NCAM2: variants seen among roughly 807,000 people sequenced by gnomAD.
The protein encoded by NCAM2 is N-CAM-2.
Under a neutral mutation model 98.1 loss-of-function variants are expected in NCAM2, and 30 were observed. The observed-to-expected ratio is 0.31, with a 90% confidence interval of 0.23 to 0.41. The LOEUF is 0.41. NCAM2 is among the 10% of genes least tolerant of loss of function. The probability of loss-of-function intolerance (pLI) is 1.00; values close to 1 mark genes in which losing one functional copy is unlikely to be tolerated. For missense variants in NCAM2, 867 were observed against 1,005.8 expected (o/e 0.86, Z 1.87); for synonymous variants, 368 against 342.4 (o/e 1.07, Z -0.83).
At chr21:21,046,405 A>G (rs1257523515) in intron 1 of NCAM2, among the ~76,000 whole-genome samples, 1 of 152,170 alleles carries the variant, frequency 6.6e-6, no homozygotes, top group Non-Finnish European at 1.5e-5. Context: ...CTCAATGACC[A>G]GTACTAAATT....
chr21:21,393,827 C>T (rs992746342), intron 9 of NCAM2, among the ~76,000 whole-genome samples: 1 of 151,922 alleles, frequency 6.6e-6, no homozygotes, highest in African/African-American at 2.4e-5. Context: ...CAATAGAAGA[C>T]AAATTAGCCA....
At chr21:21,482,121 G>T (rs1260222328) in intron 15 of NCAM2, among the ~76,000 whole-genome samples, 1 of 151,836 alleles carries the variant, frequency 6.6e-6, no homozygotes, top group East Asian at 1.9e-4. Flanking sequence ...TTATAAAATC[G>T]TGTCTAATTT....
At chr21:21,005,801 C>T (rs1319070366) in intron 1 of NCAM2, among the ~76,000 whole-genome samples, 2 of 149,744 alleles carry the variant, frequency 1.3e-5, no homozygotes, top group African/African-American at 2.4e-5. Context: ...TCCAGGAGAA[C>T]GCCCCCCCCA....
At chr21:21,100,138 C>T (rs539948516) in intron 1 of NCAM2, among the ~76,000 whole-genome samples, 3 of 151,884 alleles carry the variant, frequency 2.0e-5, no homozygotes, top group South Asian at 2.1e-4. Context: ...TTTCAAAATT[C>T]GTGGCAGAAA....
intron 1 of NCAM2, among the ~76,000 whole-genome samples, chr21:21,185,458 A>G (rs1052774103): frequency 6.6e-6 from 1 of 152,148 alleles, no homozygotes; most frequent in Non-Finnish European, 1.5e-5. Context: ...TCTTCCTTCT[A>G]GAATTATTTC....
Position 21,526,084 on chromosome 21 carries a change from C to T in NCAM2, c.2283-8453C>T, listed in dbSNP as rs142319938. 3.7e-3 allele frequency among the ~76,000 whole-genome samples: 568 copies of T among 152,096 alleles called. 25 individuals carry two copies. In the East Asian group the frequency reaches 0.069, roughly 18 times the overall value. The stretch of plus-strand genomic sequence containing the variant: ...AACTAGAAGCTGTCCCCACTATATC[C>T]TCTCTCACTAATTCTTTTCAACAGT... On this transcript the variant is annotated intron_variant, in intron 16 of 17. Coordinates refer to ENST00000400546, the MANE Select transcript of NCAM2 (RefSeq NM_004540.5).
intron 9 of NCAM2, chr21:21,385,671 A>G (rs117657046): frequency 2.8e-5 from 36 of 1,285,734 alleles, no homozygotes; most frequent in Middle Eastern, 2.1e-4. Flanking sequence ...TTTACTAAGA[A>G]GCAGGAATTG....
chr21:21,315,389 A>G (rs146667800), intron 5 of NCAM2, among the ~76,000 whole-genome samples: 13 of 152,106 alleles, frequency 8.5e-5, no homozygotes, highest in Non-Finnish European at 1.8e-4. Context: ...CCTATTTCTT[A>G]GGTCACCACT....
intron 1 of NCAM2, among the ~76,000 whole-genome samples, chr21:21,045,839 A>C (rs549538369): frequency 6.6e-6 from 1 of 152,172 alleles, no homozygotes; most frequent in African/African-American, 2.4e-5. Flanking sequence ...TCTATCTTAG[A>C]TATCTTGGGA....
chr21:21,171,356 A>C (rs2146846514), intron 1 of NCAM2, among the ~76,000 whole-genome samples: 1 of 152,362 alleles, frequency 6.6e-6, no homozygotes, highest in South Asian at 2.1e-4. Context: ...ACTGATAGTA[A>C]GAGGATTTGC....
chr21:21,366,266 T>A (rs1281097540), intron 8 of NCAM2, among the ~76,000 whole-genome samples: 1 of 152,100 alleles, frequency 6.6e-6, no homozygotes, highest in Non-Finnish European at 1.5e-5. Context: ...GCATATCATA[T>A]GATATTGTAG....
intron 1 of NCAM2, among the ~76,000 whole-genome samples, chr21:21,218,600 G>C (rs1398206366): frequency 6.6e-6 from 1 of 152,168 alleles, no homozygotes; most frequent in Non-Finnish European, 1.5e-5. Context: ...AAAATAGTTT[G>C]AGTGAGATAT....
intron 1 of NCAM2, among the ~76,000 whole-genome samples, chr21:21,071,006 A>G (rs1255350757): frequency 6.6e-6 from 1 of 152,176 alleles, no homozygotes; most frequent in Admixed American, 6.5e-5. Flanking sequence ...AAGTTTTGAG[A>G]GTACGTTTCT....
intron 16 of NCAM2, among the ~76,000 whole-genome samples, chr21:21,533,195 T>C (rs1347177579): frequency 8.3e-6 from 1 of 120,286 alleles, no homozygotes; most frequent in Non-Finnish European, 1.7e-5. Flanking sequence ...TCCTAGTGTA[T>C]ATGCTTCCTA....
intron 5 of NCAM2, among the ~76,000 whole-genome samples, chr21:21,312,273 C>T: frequency 6.6e-6 from 1 of 151,394 alleles, no homozygotes; most frequent in East Asian, 1.9e-4. Context: ...ATGATTTTTT[C>T]TTTAAACTGT....
intron 5 of NCAM2, among the ~76,000 whole-genome samples, chr21:21,314,851 T>C (rs1273590235): frequency 1.3e-5 from 2 of 152,150 alleles, no homozygotes; most frequent in Admixed American, 6.6e-5. Context: ...AGACTTTCTA[T>C]ATTTCCATTT....
At position 21,448,379 on chromosome 21, in the gene NCAM2, C is replaced by T. The variant is rs992174903; in HGVS notation, c.1654+16098C>T. Among the ~76,000 whole-genome samples, 7 of 151,996 alleles carry T rather than the reference C, an allele frequency of 4.6e-5. No individual in the cohort carries two copies. The South Asian group carries it at 8.3e-4, about 18-fold the overall frequency. On this transcript the variant is annotated intron_variant, in intron 12 of 17. Coordinates refer to ENST00000400546, the MANE Select transcript of NCAM2 (RefSeq NM_004540.5). Reference sequence around the variant, plus strand: ...GACACAGGGAGGGGAAAGATACACACCAGGGCCTGTTGAGTGTGTGGGGGC... The same window carrying T: ...GACACAGGGAGGGGAAAGATACACATCAGGGCCTGTTGAGTGTGTGGGGGC...
chr21:21,145,094 T>C (rs533566709), intron 1 of NCAM2, among the ~76,000 whole-genome samples: 1 of 122,298 alleles, frequency 8.2e-6, no homozygotes, highest in Non-Finnish European at 1.8e-5. Flanking sequence ...GGTTGCTACA[T>C]CAAAGCATTT....
Position 21,098,327 on chromosome 21 carries a change from G to T in NCAM2, c.55+99709G>T, listed in dbSNP as rs552894071. The stretch of plus-strand genomic sequence containing the variant: ...ATAATGTCAAAATTTTAATGTCACT[G>T]TATCTCTCAACTGTAAAAGCCTATT... On this transcript the variant is annotated intron_variant, in intron 1 of 17. Transcript: ENST00000400546. Among the ~76,000 whole-genome samples the T allele has an allele frequency of 7.8e-4, 119 of 151,714 alleles. 1 individual carries two copies. The highest frequency in any genetic ancestry group is 2.7e-3 in the African/African-American group (113 of 41,472).
Sources: gnomAD v4.1 joint callset for allele counts (sites outside exome capture counted in the v4.1 genomes callset) on GRCh38, gnomAD v4.1.1 for gene constraint, MANE v1.5 for transcripts, NCBI Gene and HGNC (gene_info 2026-07-23, HGNC 2026-07-21) for gene names.